DENND1B: variants seen among roughly 807,000 people sequenced by gnomAD.
DENND1B encodes the protein DENN domain containing 1B, also known as DENN domain-containing protein 1B.
In DENND1B, 59 loss-of-function variants were observed where a neutral mutation model predicts 90.1. That is an observed-to-expected ratio of 0.65 (90% CI 0.53 to 0.81). DENND1B has a LOEUF of 0.81. DENND1B is among the 40% of genes least tolerant of loss of function. The pLI is 0.00. For synonymous variants in DENND1B, 337 were observed against 324.6 expected (o/e 1.04, Z -0.41); for missense variants, 862 against 912.6 (o/e 0.94, Z 0.71).
intron 2 of DENND1B, chr1:197,733,999 A>G (rs1345001543): frequency 1.3e-6 from 1 of 750,020 alleles, no homozygotes; most frequent in Non-Finnish European, 1.6e-6. Context: ...TAAAAGATAC[A>G]TTCAAAAAAT....
chr1:197,563,422 C>G (rs544509024), intron 15 of DENND1B, among the ~76,000 whole-genome samples: 7 of 152,114 alleles, frequency 4.6e-5, no homozygotes, highest in African/African-American at 1.7e-4. Context: ...TGAGTCTACT[C>G]TGCCTGTGCT....
chr1:197,541,566 C>T (rs1670338010), intron 18 of DENND1B, among the ~76,000 whole-genome samples: 1 of 152,136 alleles, frequency 6.6e-6, no homozygotes, highest in African/African-American at 2.4e-5. Context: ...GGGAACCTGG[C>T]CCCAGCATTT....
intron 3 of DENND1B, among the ~76,000 whole-genome samples, chr1:197,701,678 C>T (rs1410162981): frequency 1.3e-5 from 2 of 152,078 alleles, no homozygotes; most frequent in African/African-American, 4.8e-5. Context: ...AGGGCAAGAA[C>T]CACATCGTCT....
rs67761711 is a variant in DENND1B at position 197,538,656 on chromosome 1, A to ATT, written c.1515+1306_1515+1307dup. Among the ~76,000 whole-genome samples the ATT allele has an allele frequency of 2.3e-3, 245 of 105,844 alleles. 6 individuals carry two copies. Among genetic ancestry groups the ATT allele is most frequent in the African/African-American group, 5.5e-3 (146 of 26,474 alleles). 69.4% of individuals were successfully genotyped at this position (105,844 alleles called of 152,430 possible). On this transcript the variant is annotated intron_variant, in intron 20 of 22. Coordinates refer to ENST00000620048, the MANE Select transcript of DENND1B (RefSeq NM_001195215.2). Reference sequence around the variant, plus strand: ...GTTGATGAATGACTGAATTAATGGGATTTTTTTTTTTTTTTTTTTTTTTTT... The same window carrying ATT: ...GTTGATGAATGACTGAATTAATGGGATTTTTTTTTTTTTTTTTTTTTTTTTTT...
At chr1:197,637,161 C>T (rs1679873472) in intron 10 of DENND1B, among the ~76,000 whole-genome samples, 1 of 151,954 alleles carries the variant, frequency 6.6e-6, no homozygotes, top group South Asian at 2.1e-4. Context: ...GTTGATTACA[C>T]TATCAGCACA....
At chr1:197,655,617 C>T (rs1240201974) in intron 6 of DENND1B, among the ~76,000 whole-genome samples, 5 of 151,956 alleles carry the variant, frequency 3.3e-5, no homozygotes, top group African/African-American at 9.7e-5. Context: ...CTGCAAGCTC[C>T]GCCTCCCGGG....
intron 3 of DENND1B, among the ~76,000 whole-genome samples, chr1:197,693,773 T>G (rs1558410162): frequency 6.6e-6 from 1 of 151,476 alleles, no homozygotes; most frequent in African/African-American, 2.4e-5. Flanking sequence ...TCTTTTTAGA[T>G]CAGTCCATAT....
chr1:197,713,819 A>AACTATTGTT, intron 3 of DENND1B, among the ~76,000 whole-genome samples: 2 of 55,748 alleles, frequency 3.6e-5, no homozygotes, highest in African/African-American at 6.3e-5. Flanking sequence ...TATTATATAT[A>AACTATTGTT]ATATATTATA....
intron 6 of DENND1B, among the ~76,000 whole-genome samples, chr1:197,655,567 T>C (rs1281847900): frequency 6.6e-6 from 1 of 151,918 alleles, no homozygotes; most frequent in Non-Finnish European, 1.5e-5. Context: ...AGTCTCGCTC[T>C]GTCGCCCAGG....
At chr1:197,693,932 A>G (rs896044225) in intron 3 of DENND1B, among the ~76,000 whole-genome samples, 1 of 151,572 alleles carries the variant, frequency 6.6e-6, no homozygotes, top group South Asian at 2.1e-4. Flanking sequence ...CTGGTAACAT[A>G]TGTTGATCAA....
At chr1:197,516,735 A>T (rs1426923064) in intron 20 of DENND1B, among the ~76,000 whole-genome samples, 1 of 151,862 alleles carries the variant, frequency 6.6e-6, no homozygotes, top group Non-Finnish European at 1.5e-5. Flanking sequence ...ATACCCAGCC[A>T]GTAACAGTAC....
chr1:197,686,885 TCTCCAG>T (rs1256503080), intron 3 of DENND1B, among the ~76,000 whole-genome samples: 1 of 152,156 alleles, frequency 6.6e-6, no homozygotes, highest in East Asian at 1.9e-4. Flanking sequence ...AAGCTTGGGC[TCTCCAG>T]CCAGAATGCT....
At chr1:197,621,095 G>A (rs1472637625) in intron 10 of DENND1B, among the ~76,000 whole-genome samples, 4 of 151,262 alleles carry the variant, frequency 2.6e-5, no homozygotes, top group Non-Finnish European at 5.9e-5. Context: ...GGGGAAGTCA[G>A]TGAGATCAGA....
intron 3 of DENND1B, among the ~76,000 whole-genome samples, chr1:197,707,068 C>T (rs187691300): frequency 1.3e-3 from 203 of 152,188 alleles, no homozygotes; most frequent in African/African-American, 4.6e-3. Flanking sequence ...AAATGGAATA[C>T]TATTCAACTA....
At position 197,510,579 on chromosome 1, in the gene DENND1B, T is replaced by G; in HGVS notation, c.2209A>C (p.Lys737Gln). 1 of 1,612,806 alleles carries G rather than the reference T, an allele frequency of 6.2e-7. No individual in the cohort carries two copies. Among genetic ancestry groups the G allele is most frequent in the Non-Finnish European group, 8.5e-7 (1 of 1,179,200 alleles). ...AGTCCAATATCTTCTGAAGTCTCTT[T>G]GGCTTCTTTCCCTTCTTTCTCCCAA... ...VPWEKEGKEA[K>Q]ETSEDIGLLH... The change falls in exon 23 of 23, where the codon AAA becomes CAA. Residue 737 changes from lysine to glutamine, a missense_variant. Transcript: ENST00000620048.
At chr1:197,557,207 T>C (rs1222116039) in intron 15 of DENND1B, among the ~76,000 whole-genome samples, 4 of 151,988 alleles carry the variant, frequency 2.6e-5, no homozygotes, top group African/African-American at 9.7e-5. Flanking sequence ...AGTGATCTCA[T>C]TTGATGGACT....
intron 2 of DENND1B, among the ~76,000 whole-genome samples, chr1:197,733,273 C>CA (rs929026378): frequency 2.6e-5 from 4 of 151,138 alleles, no homozygotes; most frequent in African/African-American, 9.7e-5. Context: ...AGAATAAGCA[C>CA]AAAAAAAAAT....
At chr1:197,664,485 A>G (rs1558374955) in intron 5 of DENND1B, among the ~76,000 whole-genome samples, 1 of 152,098 alleles carries the variant, frequency 6.6e-6, no homozygotes, top group African/African-American at 2.4e-5. Flanking sequence ...CATAAGGCAA[A>G]AGAGAGAGAT....
intron 20 of DENND1B, among the ~76,000 whole-genome samples, chr1:197,528,751 T>C (rs1669328014): frequency 1.3e-5 from 2 of 150,710 alleles, no homozygotes; most frequent in African/African-American, 4.9e-5. Flanking sequence ...TCCCAGCTAC[T>C]TGGGAGGCTG....
Sources: allele counts gnomAD v4.1 joint callset (sites outside exome capture counted in the v4.1 genomes callset), GRCh38; gene constraint gnomAD v4.1.1; transcripts MANE v1.5; gene names NCBI Gene and HGNC (gene_info 2026-07-23, HGNC 2026-07-21).